Variants in ZSWIM9 observed in about 807,000 individuals in gnomAD.
ZSWIM9 encodes the protein uncharacterized protein ZSWIM9.
A neutral mutation model predicts 25.0 loss-of-function variants in ZSWIM9; 11 were observed. The observed-to-expected ratio is 0.44, with a 90% confidence interval of 0.28 to 0.73. The LOEUF (loss-of-function observed/expected upper bound fraction) is 0.73, where lower values mean the gene tolerates loss of function less well. Ranked by LOEUF, ZSWIM9 falls within the 30% of genes least tolerant of loss-of-function variation. The pLI, the probability that ZSWIM9 is intolerant of heterozygous loss-of-function variation, is 0.16. For synonymous variants in ZSWIM9, 562 were observed against 582.1 expected (o/e 0.97, Z 0.50); for missense variants, 1,070 against 1,296.5 (o/e 0.83, Z 2.68).
Position 48,182,527 on chromosome 19 carries a change from G to C in ZSWIM9, c.348G>C (p.Thr116=). 6.5e-7 allele frequency: 1 copy of C among 1,535,884 alleles called. No homozygotes were observed. The highest frequency in any genetic ancestry group is 8.7e-7 in the Non-Finnish European group (1 of 1,146,750). The change falls in exon 3 of 4, where the codon ACG becomes ACC. Residue 116 remains threonine, a synonymous_variant. Transcript: ENST00000614654. The surrounding 1 kb of genome is among the most constrained non-coding windows in gnomAD (Gnocchi z 4.6). ...LSPLRDRLVV[T]ECQLTHSHPA... Reference sequence around the variant, plus strand: ...CGCTGCGGGACCGCCTCGTGGTGACGGAGTGCCAGCTGACCCACTCACACC... The same window carrying C: ...CGCTGCGGGACCGCCTCGTGGTGACCGAGTGCCAGCTGACCCACTCACACC...
Position 48,194,925 on chromosome 19 carries a change from C to A in ZSWIM9, c.861C>A (p.Gly287=). The A allele has an allele frequency of 7.6e-7, 1 of 1,318,732 alleles. No individual in the cohort carries two copies. Among genetic ancestry groups the A allele is most frequent in the Non-Finnish European group, 9.7e-7 (1 of 1,035,782 alleles). 81.7% of individuals were successfully genotyped at this position (1,318,732 alleles called of 1,614,324 possible). A position where few individuals can be genotyped will look rare whatever the true frequency, so the allele number is the denominator to read the frequency against. ...TGCAGAGCGCGCCAGACGTCAAGGGCCGCGTGCGCTGCCTCACCGCCGGGC... is the reference window on the plus strand; with the variant it reads ...TGCAGAGCGCGCCAGACGTCAAGGGACGCGTGCGCTGCCTCACCGCCGGGC... ...SLLQSAPDVK[G]RVRCLTAGPE... The change falls in exon 4 of 4, where the codon GGC becomes GGA. Residue 287 remains glycine, a synonymous_variant. Coordinates refer to ENST00000614654, the MANE Select transcript of ZSWIM9 (RefSeq NM_199341.4). This position sits in a 1 kb window ranked among gnomAD's most constrained non-coding sequence, Gnocchi z 6.0.
intron 3 of ZSWIM9, among the ~76,000 whole-genome samples, chr19:48,186,286 G>A (rs1048221072): frequency 8.1e-6 from 1 of 124,154 alleles, no homozygotes; most frequent in Non-Finnish European, 1.7e-5. Flanking sequence ...TAGTGTACAC[G>A]CTGTTTTTGT....
intron 2 of ZSWIM9, among the ~76,000 whole-genome samples, chr19:48,175,223 A>G (rs2036880257): frequency 6.6e-6 from 1 of 152,224 alleles, no homozygotes; most frequent in African/African-American, 2.4e-5. Context: ...GCCAAGGAGC[A>G]GGAGAGACAG....
intron 2 of ZSWIM9, among the ~76,000 whole-genome samples, chr19:48,175,183 G>T (rs2036879820): frequency 6.6e-6 from 1 of 152,284 alleles, no homozygotes; most frequent in Middle Eastern, 3.4e-3. Context: ...TGCAGGTACT[G>T]TCCCAAGTGC....
chr19:48,180,207 C>T (rs931371324), intron 2 of ZSWIM9, among the ~76,000 whole-genome samples: 6 of 152,058 alleles, frequency 3.9e-5, no homozygotes, highest in Admixed American at 6.6e-5. Context: ...GTAGAGACCG[C>T]GTTTCTCCAT....
intron 2 of ZSWIM9, among the ~76,000 whole-genome samples, chr19:48,177,712 T>C (rs953795718): frequency 6.6e-6 from 1 of 152,120 alleles, no homozygotes; most frequent in Non-Finnish European, 1.5e-5. Context: ...CAGACAAGGG[T>C]TTCACAAAAG....
In ZSWIM9 at chr19:48,195,006, G is replaced by C; in HGVS notation, c.942G>C (p.Val314=). 1 of 1,356,200 alleles carries C rather than the reference G, an allele frequency of 7.4e-7. No homozygotes were observed. The highest frequency in any genetic ancestry group is 9.4e-7 in the Non-Finnish European group (1 of 1,061,780). 84.0% of individuals were successfully genotyped at this position (1,356,200 alleles called of 1,614,324 possible). A position where few individuals can be genotyped will look rare whatever the true frequency, so the allele number is the denominator to read the frequency against. ...GCCAGCTGCTGCCCTGCGCGCGCGT[G>C]CAGATCTGCCGCGCGCAGGGCCTGG... is the stretch of plus-strand genomic sequence containing the variant. ...AVRQLLPCAR[V]QICRAQGLET... The change falls in exon 4 of 4, where the codon GTG becomes GTC. Residue 314 remains valine, a synonymous_variant. Coordinates refer to ENST00000614654, the MANE Select transcript of ZSWIM9 (RefSeq NM_199341.4). This position sits in a 1 kb window ranked among gnomAD's most constrained non-coding sequence, Gnocchi z 5.8.
chr19:48,187,046 T>C (rs2037019939), intron 3 of ZSWIM9, among the ~76,000 whole-genome samples: 1 of 152,098 alleles, frequency 6.6e-6, no homozygotes, highest in Non-Finnish European at 1.5e-5. Context: ...GGCCTGGTGT[T>C]GCCAGCTCCT....
chr19:48,176,000 G>GT (rs939632346), intron 2 of ZSWIM9, among the ~76,000 whole-genome samples: 12 of 152,210 alleles, frequency 7.9e-5, no homozygotes, highest in African/African-American at 2.9e-4. Flanking sequence ...GAAGTCAGGA[G>GT]TTTGAGACCA....
At chr19:48,175,148 T>C (rs1303094819) in intron 2 of ZSWIM9, among the ~76,000 whole-genome samples, 1 of 152,112 alleles carries the variant, frequency 6.6e-6, no homozygotes. Context: ...GTATGTGAGC[T>C]AACAGACACA....
intron 3 of ZSWIM9, among the ~76,000 whole-genome samples, chr19:48,187,939 AATAGATAGATAGATAG>A (rs58658973): frequency 2.4e-4 from 33 of 140,274 alleles, no homozygotes; most frequent in African/African-American, 4.4e-4. Flanking sequence ...AGACCCTTTA[AATAGATAGATAGATAG>A]ATAGATAGAT....
At chr19:48,188,885 G>T (rs1439627476) in intron 3 of ZSWIM9, among the ~76,000 whole-genome samples, 2 of 151,922 alleles carry the variant, frequency 1.3e-5, no homozygotes, top group Non-Finnish European at 2.9e-5. Flanking sequence ...CAAAAAATTA[G>T]CCAGGTGTGG....
At chr19:48,171,392 T>C in intron 1 of ZSWIM9, 1 of 985,226 alleles carries the variant, frequency 1.0e-6, no homozygotes, top group Non-Finnish European at 1.2e-6. Context: ...GAAGTTACTC[T>C]TGGGTGAGAG....
intron 2 of ZSWIM9, among the ~76,000 whole-genome samples, chr19:48,173,241 G>A (rs1415760269): frequency 6.6e-6 from 1 of 152,216 alleles, no homozygotes; most frequent in Non-Finnish European, 1.5e-5. Context: ...AAATCCAGGA[G>A]AGCCAGAATC....
Position 48,195,641 on chromosome 19 carries a change from G to A in ZSWIM9, c.1577G>A (p.Gly526Asp), listed in dbSNP as rs537489894. The A allele has an allele frequency of 4.0e-4, 574 of 1,423,160 alleles. 1 individual carries two copies. Among genetic ancestry groups the A allele is most frequent in the Non-Finnish European group, 5.0e-4 (544 of 1,095,246 alleles). 88.2% of individuals were successfully genotyped at this position (1,423,160 alleles called of 1,614,324 possible). A position where few individuals can be genotyped will look rare whatever the true frequency, so the allele number is the denominator to read the frequency against. Residue 526 changes from glycine (G) to aspartate (D), a missense_variant, in exon 4 of 4, where the codon GGT becomes GAT. This residue lies in a region of ZSWIM9 where 583 missense variants were observed against 624.7 expected (regional missense o/e 0.93). Transcript: ENST00000614654. The surrounding 1 kb of genome is among the most constrained non-coding windows in gnomAD (Gnocchi z 5.8). ...CTGCAGATCAGAGATTGGAGAGGGG[G>A]TCGGTTGGAGAATCAGAAGCCGAGG... ...RALQIRDWRGGRLENQKPRGL... is the reference protein window; with the variant it reads ...RALQIRDWRGDRLENQKPRGL...
At chr19:48,171,168 G>T (rs2036797430) in intron 1 of ZSWIM9, 1 of 939,916 alleles carries the variant, frequency 1.1e-6, no homozygotes, top group Non-Finnish European at 1.3e-6. Context: ...GCTGCATGTG[G>T]CGAGCCATAG....
intron 2 of ZSWIM9, among the ~76,000 whole-genome samples, chr19:48,179,967 G>A (rs1008400645): frequency 6.6e-6 from 1 of 152,160 alleles, no homozygotes; most frequent in African/African-American, 2.4e-5. Flanking sequence ...TATCCTTCCA[G>A]CTTCTAGAGA....
chr19:48,193,906 A>G (rs2037127279), intron 3 of ZSWIM9, among the ~76,000 whole-genome samples: 1 of 152,346 alleles, frequency 6.6e-6, no homozygotes, highest in South Asian at 2.1e-4. Context: ...CAGGGGCTCC[A>G]GGATCTCAGC....
chr19:48,174,007 C>T (rs1192199910), intron 2 of ZSWIM9, among the ~76,000 whole-genome samples: 1 of 152,022 alleles, frequency 6.6e-6, no homozygotes, highest in East Asian at 1.9e-4. Context: ...GAGGTGAGCC[C>T]ATGTTTCCAT....
Sources: gnomAD v4.1 joint callset for allele counts (sites outside exome capture counted in the v4.1 genomes callset) on GRCh38, gnomAD v4.1.1 for gene constraint, gnomAD v4.1.1 regional missense constraint, Gnocchi (gnomAD v3.1) non-coding constraint, MANE v1.5 for transcripts, NCBI Gene and HGNC (gene_info 2026-07-23, HGNC 2026-07-21) for gene names.